The following EXOC6B variants were observed in gnomAD, a reference collection of about 807,000 sequenced individuals.
EXOC6B encodes exocyst complex component 6B.
A neutral mutation model predicts 113.5 loss-of-function variants in EXOC6B; 54 were observed. That is an observed-to-expected ratio of 0.48 (90% CI 0.38 to 0.60). EXOC6B has a LOEUF of 0.60. EXOC6B is among the 20% of genes least tolerant of loss of function. The pLI is 0.00. For synonymous variants in EXOC6B, 357 were observed against 339.0 expected (o/e 1.05, Z -0.58); for missense variants, 797 against 977.5 (o/e 0.82, Z 2.46).
chr2:72,821,871 G>A (rs1377993592), intron 1 of EXOC6B, among the ~76,000 whole-genome samples: 38 of 152,122 alleles, frequency 2.5e-4, no homozygotes, highest in Non-Finnish European at 2.9e-5. Flanking sequence ...AAATTAGGTT[G>A]TGGTGATTGC....
chr2:72,792,257 C>A (rs144045312), intron 1 of EXOC6B, among the ~76,000 whole-genome samples: 73 of 152,274 alleles, frequency 4.8e-4, no homozygotes, highest in African/African-American at 1.7e-3. Context: ...AGATATAGAA[C>A]CGTGAACCCT....
chr2:72,653,857 T>A (rs1166846422), intron 6 of EXOC6B, among the ~76,000 whole-genome samples: 1 of 152,158 alleles, frequency 6.6e-6, no homozygotes, highest in African/African-American at 2.4e-5. Flanking sequence ...CAAATGAATC[T>A]AAATGGATAT....
chr2:72,796,047 T>C (rs1421040550), intron 1 of EXOC6B, among the ~76,000 whole-genome samples: 1 of 151,306 alleles, frequency 6.6e-6, no homozygotes, highest in African/African-American at 2.4e-5. Flanking sequence ...GGTCTCGAAC[T>C]CCTGACATCA....
At chr2:72,577,446 T>A (rs534020080) in intron 6 of EXOC6B, among the ~76,000 whole-genome samples, 1 of 152,156 alleles carries the variant, frequency 6.6e-6, no homozygotes, top group East Asian at 1.9e-4. Flanking sequence ...TAGAGAGTGA[T>A]CATTTGCTCC....
chr2:72,726,240 G>A (rs985398823), intron 5 of EXOC6B, among the ~76,000 whole-genome samples: 8 of 152,232 alleles, frequency 5.3e-5, no homozygotes, highest in Admixed American at 3.3e-4. Context: ...AAGAGGAATG[G>A]GTACCCTTTT....
chr2:72,288,649 A>C (rs1414714278), intron 20 of EXOC6B: 1 of 152,026 alleles, frequency 6.6e-6, no homozygotes, highest in Non-Finnish European at 1.5e-5. Flanking sequence ...AATCCCACTC[A>C]TATAAAGTAC....
chr2:72,685,424 G>T (rs1677020137), intron 6 of EXOC6B, among the ~76,000 whole-genome samples: 1 of 152,118 alleles, frequency 6.6e-6, no homozygotes, highest in Non-Finnish European at 1.5e-5. Flanking sequence ...TAGCAAGTTT[G>T]TCCAGAGGGA....
intron 7 of EXOC6B, among the ~76,000 whole-genome samples, chr2:72,569,531 G>C (rs1028233173): frequency 8.5e-5 from 13 of 152,062 alleles, no homozygotes; most frequent in Non-Finnish European, 1.3e-4. Context: ...AGATTTTTAT[G>C]TGAATCTAAT....
At chr2:72,354,636 A>G (rs1689866080) in intron 19 of EXOC6B, among the ~76,000 whole-genome samples, 2 of 152,186 alleles carry the variant, frequency 1.3e-5, no homozygotes, top group Admixed American at 6.5e-5. Context: ...AAACTAAAAT[A>G]ACTGCTGAGT....
chr2:72,440,638 C>A (rs1360555334), intron 18 of EXOC6B, among the ~76,000 whole-genome samples: 1 of 152,094 alleles, frequency 6.6e-6, no homozygotes, highest in African/African-American at 2.4e-5. Flanking sequence ...TGCAAATAAC[C>A]AGCTAACATC....
intron 6 of EXOC6B, among the ~76,000 whole-genome samples, chr2:72,658,465 T>C (rs1172058155): frequency 6.6e-6 from 1 of 151,932 alleles, no homozygotes; most frequent in Non-Finnish European, 1.5e-5. Context: ...AGTCTAAGTT[T>C]TTCAAATATT....
At chr2:72,426,005 T>C (rs1695179554) in intron 18 of EXOC6B, among the ~76,000 whole-genome samples, 1 of 152,178 alleles carries the variant, frequency 6.6e-6, no homozygotes, top group South Asian at 2.1e-4. Flanking sequence ...TTTCCTGGTA[T>C]TTAGTAAACC....
chr2:72,233,531 C>A (rs1231266557), intron 20 of EXOC6B, among the ~76,000 whole-genome samples: 5 of 152,156 alleles, frequency 3.3e-5, no homozygotes, highest in Admixed American at 3.3e-4. Flanking sequence ...GAATCCCCCT[C>A]ACCCTCCTCG....
chr2:72,811,125 G>A (rs1685895269), intron 1 of EXOC6B, among the ~76,000 whole-genome samples: 1 of 152,000 alleles, frequency 6.6e-6, no homozygotes, highest in Non-Finnish European at 1.5e-5. Flanking sequence ...TTGATGCCAG[G>A]AGTTCAAGAC....
At chr2:72,712,619 C>T (rs544842218) in intron 6 of EXOC6B, among the ~76,000 whole-genome samples, 1 of 152,306 alleles carries the variant, frequency 6.6e-6, no homozygotes, top group African/African-American at 2.4e-5. Context: ...AAAAATGGCA[C>T]TTTGTTTCTT....
intron 1 of EXOC6B, among the ~76,000 whole-genome samples, chr2:72,779,350 A>C (rs1233582986): frequency 6.6e-6 from 1 of 151,832 alleles, no homozygotes; most frequent in Non-Finnish European, 1.5e-5. Flanking sequence ...TCCCCATACA[A>C]AATATATATA....
At chr2:72,760,102 T>C (rs181048078) in intron 1 of EXOC6B, among the ~76,000 whole-genome samples, 1 of 152,356 alleles carries the variant, frequency 6.6e-6, no homozygotes, top group Admixed American at 6.5e-5. Flanking sequence ...ATCATTGTTA[T>C]AGCAAATTAT....
At chr2:72,368,522 G>C (rs1440988658) in intron 19 of EXOC6B, among the ~76,000 whole-genome samples, 4 of 152,166 alleles carry the variant, frequency 2.6e-5, no homozygotes, top group Non-Finnish European at 5.9e-5. Context: ...TATGAGGCCA[G>C]CATCATCCTG....
chr2:72,621,311 A>G (rs1325084261), intron 6 of EXOC6B, among the ~76,000 whole-genome samples: 1 of 152,220 alleles, frequency 6.6e-6, no homozygotes, highest in African/African-American at 2.4e-5. Flanking sequence ...ATATCATGGA[A>G]TACTATGAAG....
Sources: gnomAD v4.1 joint callset for allele counts (sites outside exome capture counted in the v4.1 genomes callset) on GRCh38, gnomAD v4.1.1 for gene constraint, MANE v1.5 for transcripts, NCBI Gene and HGNC (gene_info 2026-07-23, HGNC 2026-07-21) for gene names.